Variants in IL1RAPL1 observed in about 807,000 individuals in gnomAD.
IL1RAPL1 encodes the protein interleukin-1 receptor accessory protein-like 1.
IL1RAPL1 carries 3 observed loss-of-function variants against 48.4 expected under a neutral mutation model. The ratio of observed to expected loss-of-function variants is 0.06; its 90% CI spans 0.03 to 0.16. IL1RAPL1 has a LOEUF of 0.16. IL1RAPL1 is among the 10% of genes least tolerant of loss of function. IL1RAPL1 has a pLI of 1.00. For synonymous variants in IL1RAPL1, 185 were observed against 187.7 expected, an observed-to-expected ratio of 0.99 and a Z score of 0.12; for missense variants, 349 against 530.6, an observed-to-expected ratio of 0.66 and a Z score of 3.36.
At chrX:28,812,974 C>T (rs1433108616) in intron 2 of IL1RAPL1, among the ~76,000 whole-genome samples, 1 of 111,046 alleles carries the variant, frequency 9.0e-6, no homozygotes, top group Admixed American at 9.7e-5. Flanking sequence ...AGAATGTAAA[C>T]TCAGTCATAG....
chrX:29,544,863 T>A (rs112610075), intron 5 of IL1RAPL1, among the ~76,000 whole-genome samples: 1,285 of 109,978 alleles, frequency 0.012, 10 homozygotes, highest in Non-Finnish European at 0.019. Context: ...TTGGAGAGAT[T>A]GCTTTTAAAG....
chrX:29,611,219 A>C (rs1434383985), intron 5 of IL1RAPL1, among the ~76,000 whole-genome samples: 1 of 111,058 alleles, frequency 9.0e-6, no homozygotes, highest in Non-Finnish European at 1.9e-5. Context: ...TTTAGGTCCA[A>C]TAAGAAACAT....
At chrX:29,496,955 C>T (rs2147757329) in intron 5 of IL1RAPL1, among the ~76,000 whole-genome samples, 1 of 112,443 alleles carries the variant, frequency 8.9e-6, no homozygotes, top group Non-Finnish European at 1.9e-5. Context: ...ATCTGGCTTT[C>T]ATAAGGTTTG....
chrX:29,338,270 TACAC>T (rs898418959), intron 3 of IL1RAPL1, among the ~76,000 whole-genome samples: 2 of 109,822 alleles, frequency 1.8e-5, no homozygotes, highest in African/African-American at 6.6e-5. Flanking sequence ...CACACACACA[TACAC>T]ACACACACAC....
chrX:28,805,515 T>C (rs2147273268), intron 2 of IL1RAPL1, among the ~76,000 whole-genome samples: 1 of 111,468 alleles, frequency 9.0e-6, no homozygotes, highest in South Asian at 3.7e-4. Context: ...CAATGGGTCT[T>C]GCCTTGATAA....
At chrX:29,790,897 C>A (rs1456989892) in intron 6 of IL1RAPL1, among the ~76,000 whole-genome samples, 2 of 111,993 alleles carry the variant, frequency 1.8e-5, no homozygotes, top group Non-Finnish European at 3.8e-5. Flanking sequence ...CTTATCATGG[C>A]CGCCTAAGGC....
At chrX:29,109,009 A>G (rs1262426882) in intron 2 of IL1RAPL1, among the ~76,000 whole-genome samples, 2 of 111,115 alleles carry the variant, frequency 1.8e-5, no homozygotes, top group Admixed American at 9.6e-5. Flanking sequence ...GCGTTTCCCA[A>G]TCAGCAGGGA....
At chrX:29,236,962 A>G (rs1298031193) in intron 2 of IL1RAPL1, among the ~76,000 whole-genome samples, 2 of 110,352 alleles carry the variant, frequency 1.8e-5, no homozygotes, top group African/African-American at 6.6e-5. Flanking sequence ...TCTGTGTTGC[A>G]CTGGTATTGT....
At chrX:29,006,311 C>T (rs1358949352) in intron 2 of IL1RAPL1, among the ~76,000 whole-genome samples, 3 of 110,214 alleles carry the variant, frequency 2.7e-5, no homozygotes, top group Non-Finnish European at 3.8e-5. Context: ...GTCAGGAGTT[C>T]GAGACCAGCC....
chrX:28,920,699 C>G (rs1296846114), intron 2 of IL1RAPL1, among the ~76,000 whole-genome samples: 1 of 111,833 alleles, frequency 8.9e-6, no homozygotes, highest in Non-Finnish European at 1.9e-5. Flanking sequence ...TACTAGAATA[C>G]AAGACTCTCT....
At chrX:28,882,839 C>T (rs765396778) in intron 2 of IL1RAPL1, among the ~76,000 whole-genome samples, 4 of 111,228 alleles carry the variant, frequency 3.6e-5, no homozygotes, top group Non-Finnish European at 5.7e-5. Flanking sequence ...AATATATAGA[C>T]GAATATAGAA....
chrX:28,882,509 G>A (rs898838019), intron 2 of IL1RAPL1, among the ~76,000 whole-genome samples: 6 of 111,374 alleles, frequency 5.4e-5, no homozygotes, highest in Non-Finnish European at 7.5e-5. Context: ...TGGGTGTGGT[G>A]GTGCACACCT....
At chrX:29,858,784 A>T (rs1005759254) in intron 6 of IL1RAPL1, among the ~76,000 whole-genome samples, 1 of 109,821 alleles carries the variant, frequency 9.1e-6, no homozygotes, top group African/African-American at 3.3e-5. Context: ...TTTTTTTTTA[A>T]ATTTTGTTCC....
intron 5 of IL1RAPL1, among the ~76,000 whole-genome samples, chrX:29,405,887 C>T (rs1383128558): frequency 9.2e-6 from 1 of 108,751 alleles, no homozygotes; most frequent in Admixed American, 9.8e-5. Context: ...TCCGATTATA[C>T]ATATATTATG....
chrX:29,786,141 G>A (rs914327159), intron 6 of IL1RAPL1, among the ~76,000 whole-genome samples: 1 of 110,796 alleles, frequency 9.0e-6, no homozygotes, highest in African/African-American at 3.3e-5. Context: ...GTCAACAACC[G>A]AATAGTTGTT....
chrX:29,829,414 A>G (rs755319741), intron 6 of IL1RAPL1, among the ~76,000 whole-genome samples: 1 of 111,013 alleles, frequency 9.0e-6, no homozygotes, highest in Non-Finnish European at 1.9e-5. Flanking sequence ...ATGCTTGACT[A>G]TGGTAGGTGC....
chrX:28,960,331 T>C (rs1276204250), intron 2 of IL1RAPL1, among the ~76,000 whole-genome samples: 2 of 111,668 alleles, frequency 1.8e-5, no homozygotes, highest in Non-Finnish European at 3.8e-5. Flanking sequence ...TTCAACATTT[T>C]AAAGTATTTC....
chrX:28,598,212 CTT>C (rs1933979025), intron 1 of IL1RAPL1, among the ~76,000 whole-genome samples: 1 of 112,179 alleles, frequency 8.9e-6, no homozygotes, highest in Admixed American at 9.4e-5. Flanking sequence ...AGTGTGAACT[CTT>C]TTGCTAACTA....
At chrX:29,336,551 T>C (rs1188346777) in intron 3 of IL1RAPL1, among the ~76,000 whole-genome samples, 1 of 109,901 alleles carries the variant, frequency 9.1e-6, no homozygotes, top group African/African-American at 3.3e-5. Context: ...AACACTCCTA[T>C]GCCAAAAGAC....
Sources: gnomAD v4.1 joint callset for allele counts (sites outside exome capture counted in the v4.1 genomes callset) on GRCh38, gnomAD v4.1.1 for gene constraint, MANE v1.5 for transcripts, NCBI Gene and HGNC (gene_info 2026-07-23, HGNC 2026-07-21) for gene names.